PLD5: variants seen among roughly 807,000 people sequenced by gnomAD.
PLD5 encodes phospholipase D family member 5.
A neutral mutation model predicts 61.1 loss-of-function variants in PLD5; 36 were observed. That is an observed-to-expected ratio of 0.59 (90% confidence interval 0.45 to 0.78). The LOEUF is 0.78. PLD5 is among the 30% of genes least tolerant of loss of function. The probability of loss-of-function intolerance (pLI) is 0.00; values close to 1 mark genes in which losing one functional copy is unlikely to be tolerated. For missense variants in PLD5, 515 were observed against 644.4 expected (o/e 0.80, Z 2.17); for synonymous variants, 243 against 242.8 (o/e 1.00, Z -0.01).
At chr1:242,313,308 T>C (rs1676814331) in intron 2 of PLD5, among the ~76,000 whole-genome samples, 1 of 152,246 alleles carries the variant, frequency 6.6e-6, no homozygotes, top group Non-Finnish European at 1.5e-5. Flanking sequence ...TATGCCCATC[T>C]TCCTCTGCAG....
intron 5 of PLD5, among the ~76,000 whole-genome samples, chr1:242,196,964 A>G (rs1014315798): frequency 8.5e-5 from 13 of 152,258 alleles, no homozygotes; most frequent in South Asian, 4.1e-4. Flanking sequence ...AGGGACTCAC[A>G]CTTTTCCCAG....
At chr1:242,323,578 A>T (rs1658558217) in intron 2 of PLD5, among the ~76,000 whole-genome samples, 1 of 152,222 alleles carries the variant, frequency 6.6e-6, no homozygotes. Flanking sequence ...AAGGGAATAC[A>T]ACAAATCACT....
intron 3 of PLD5, among the ~76,000 whole-genome samples, chr1:242,265,677 A>C (rs1673630635): frequency 1.3e-5 from 2 of 152,234 alleles, no homozygotes; most frequent in African/African-American, 4.8e-5. Flanking sequence ...GCAATTGAAC[A>C]ATTATTGCAA....
chr1:242,272,343 A>G (rs1674139199), intron 3 of PLD5, among the ~76,000 whole-genome samples: 1 of 152,164 alleles, frequency 6.6e-6, no homozygotes. Flanking sequence ...GGGCAGATCT[A>G]ATAGAAAACA....
chr1:242,388,531 G>A (rs1662730257), intron 1 of PLD5, among the ~76,000 whole-genome samples: 1 of 152,104 alleles, frequency 6.6e-6, no homozygotes, highest in Non-Finnish European at 1.5e-5. Context: ...TAAAAGTAGT[G>A]GATGGAATTC....
intron 3 of PLD5, among the ~76,000 whole-genome samples, chr1:242,280,346 G>A (rs1674652105): frequency 6.6e-6 from 1 of 152,128 alleles, no homozygotes; most frequent in Non-Finnish European, 1.5e-5. Context: ...ACCAAGCGCT[G>A]AGAACTAAAT....
chr1:242,376,534 T>G (rs1432837454), intron 1 of PLD5, among the ~76,000 whole-genome samples: 1 of 152,176 alleles, frequency 6.6e-6, no homozygotes, highest in Non-Finnish European at 1.5e-5. Flanking sequence ...AGTTAACCCA[T>G]TCAAAATCCA....
chr1:242,158,264 G>A (rs151212576), intron 5 of PLD5, among the ~76,000 whole-genome samples: 1 of 152,114 alleles, frequency 6.6e-6, no homozygotes, highest in Non-Finnish European at 1.5e-5. Context: ...TGTGGGACCC[G>A]CTGAACCAGA....
chr1:242,493,568 G>A (rs963510529), intron 1 of PLD5, among the ~76,000 whole-genome samples: 3 of 152,040 alleles, frequency 2.0e-5, no homozygotes, highest in Non-Finnish European at 2.9e-5. Flanking sequence ...CCCTGCCCTC[G>A]CCGCCACCTC....
intron 4 of PLD5, among the ~76,000 whole-genome samples, chr1:242,228,612 A>G (rs912822222): frequency 4.0e-5 from 6 of 151,574 alleles, no homozygotes; most frequent in African/African-American, 1.2e-4. Flanking sequence ...AGTCCACATA[A>G]TAGAAAGATA....
At chr1:242,411,247 T>G (rs1450860221) in intron 1 of PLD5, among the ~76,000 whole-genome samples, 2 of 152,090 alleles carry the variant, frequency 1.3e-5, no homozygotes, top group Non-Finnish European at 1.5e-5. Context: ...TTTTGTTTTG[T>G]TTTTGTGAGA....
chr1:242,248,507 T>C (rs897496950), intron 4 of PLD5, among the ~76,000 whole-genome samples: 8 of 151,782 alleles, frequency 5.3e-5, no homozygotes, highest in African/African-American at 1.7e-4. Context: ...AGCCAATCAC[T>C]GATCAATGTT....
intron 5 of PLD5, among the ~76,000 whole-genome samples, chr1:242,125,183 T>G (rs990837924): frequency 3.9e-5 from 6 of 152,184 alleles, no homozygotes; most frequent in African/African-American, 1.4e-4. Flanking sequence ...AAAATAGAGA[T>G]AATAGTATTT....
rs1259049832 is a variant in PLD5 at position 242,158,148 on chromosome 1, C to A, written c.736-33483G>T. Among the ~76,000 whole-genome samples the A allele has an allele frequency of 2.6e-5, 4 of 152,162 alleles. No homozygotes were observed. The East Asian group carries it at 7.7e-4, about 29-fold the overall frequency. On this transcript the variant is annotated intron_variant, in intron 5 of 9. Coordinates refer to ENST00000536534, the MANE Select transcript of PLD5 (RefSeq NM_001372062.1). ...AATCAAGCCTCAGCAATGGCAGACG[C>A]CCCTTCCCCCACCAAGCTCAAGCAT... is the stretch of plus-strand genomic sequence containing the variant.
intron 1 of PLD5, among the ~76,000 whole-genome samples, chr1:242,413,881 G>T (rs982534513): frequency 6.6e-6 from 1 of 152,184 alleles, no homozygotes; most frequent in Non-Finnish European, 1.5e-5. Context: ...CAGAGAATAA[G>T]TTAGGAGAAG....
At position 242,124,570 on chromosome 1, in the gene PLD5, G is replaced by A; in HGVS notation, c.831C>T (p.Ser277=). 1 of 1,613,816 alleles carries A rather than the reference G, an allele frequency of 6.2e-7. No individual in the cohort carries two copies. Residue 277 remains serine (S), a synonymous_variant, in exon 6 of 10, where the codon AGC becomes AGT. Coordinates refer to ENST00000536534, the MANE Select transcript of PLD5 (RefSeq NM_001372062.1). ...FALYSSLKFK[S]RVPQTWSKRL... ...TTTTGGACCAGGTTTGAGGCACTCTGCTTTTGAATTTTAATGAACTATATA... is the reference window on the plus strand; with the variant it reads ...TTTTGGACCAGGTTTGAGGCACTCTACTTTTGAATTTTAATGAACTATATA...
chr1:242,270,708 A>G (rs1674011594), intron 3 of PLD5, among the ~76,000 whole-genome samples: 1 of 152,164 alleles, frequency 6.6e-6, no homozygotes, highest in Non-Finnish European at 1.5e-5. Flanking sequence ...TGAGTGTTCC[A>G]GAGTTGCCTG....
intron 1 of PLD5, among the ~76,000 whole-genome samples, chr1:242,349,859 G>A (rs1660374567): frequency 6.6e-6 from 1 of 152,198 alleles, no homozygotes; most frequent in African/African-American, 2.4e-5. Context: ...AGGTCACGAA[G>A]ACAGAGTTTT....
intron 1 of PLD5, among the ~76,000 whole-genome samples, chr1:242,522,555 A>T (rs1172735790): frequency 6.6e-6 from 1 of 152,258 alleles, no homozygotes; most frequent in African/African-American, 2.4e-5. Context: ...GCAAAAGAAC[A>T]TACATTCAGA....
Sources: allele counts gnomAD v4.1 joint callset (sites outside exome capture counted in the v4.1 genomes callset), GRCh38; gene constraint gnomAD v4.1.1; transcripts MANE v1.5; gene names NCBI Gene and HGNC (gene_info 2026-07-23, HGNC 2026-07-21).